Variants in GRIP1 observed in about 807,000 individuals in gnomAD.
GRIP1 encodes glutamate receptor-interacting protein 1.
In GRIP1, 45 loss-of-function variants were observed where a neutral mutation model predicts 129.9. The ratio of observed to expected loss-of-function variants is 0.35; its 90% CI spans 0.27 to 0.44. The LOEUF (loss-of-function observed/expected upper bound fraction) is 0.44, where lower values mean the gene tolerates loss of function less well. Among genes scored for constraint, GRIP1 ranks in the 20% least tolerant of loss-of-function variants. The pLI is 1.00. For synonymous variants in GRIP1, 530 were observed against 520.8 expected, an observed-to-expected ratio of 1.02 and a Z score of -0.24; for missense variants, 1,196 against 1,396.8, an observed-to-expected ratio of 0.86 and a Z score of 2.29.
intron 8 of GRIP1, among the ~76,000 whole-genome samples, chr12:66,463,766 T>C (rs1245714686): frequency 6.6e-6 from 1 of 152,174 alleles, no homozygotes; most frequent in East Asian, 1.9e-4. Context: ...AGCTGCTACA[T>C]CTTGCTGAAC....
chr12:66,550,521 T>C (rs1229708079), intron 2 of GRIP1, among the ~76,000 whole-genome samples: 7 of 152,204 alleles, frequency 4.6e-5, no homozygotes, highest in Admixed American at 4.6e-4. Context: ...ATGAAAGCAG[T>C]GAACGCTTGT....
chr12:66,541,143 T>C (rs2061768677), intron 3 of GRIP1, among the ~76,000 whole-genome samples: 1 of 152,162 alleles, frequency 6.6e-6, no homozygotes, highest in Non-Finnish European at 1.5e-5. Flanking sequence ...CCTGATCTTC[T>C]GTCCCCTTTT....
At chr12:66,751,450 G>T (rs2037124169) in intron 1 of GRIP1, among the ~76,000 whole-genome samples, 1 of 152,118 alleles carries the variant, frequency 6.6e-6, no homozygotes, top group African/African-American at 2.4e-5. Flanking sequence ...ACACACTTCA[G>T]AAATTAAAGG....
intron 1 of GRIP1, among the ~76,000 whole-genome samples, chr12:66,739,305 A>T (rs1486767750): frequency 6.6e-6 from 1 of 152,176 alleles, no homozygotes; most frequent in African/African-American, 2.4e-5. Context: ...GAAAAGACTG[A>T]GGCTTAGAAG....
At chr12:66,982,811 G>C (rs1370329946) in intron 1 of GRIP1, among the ~76,000 whole-genome samples, 1 of 152,118 alleles carries the variant, frequency 6.6e-6, no homozygotes, top group Admixed American at 6.6e-5. Context: ...CTGACCTGCA[G>C]GAACTTTTAA....
intron 1 of GRIP1, among the ~76,000 whole-genome samples, chr12:66,823,040 TA>T (rs2039347742): frequency 6.6e-6 from 1 of 152,134 alleles, no homozygotes. Context: ...AACACAGAAA[TA>T]GGTCTTCAAC....
intron 1 of GRIP1, among the ~76,000 whole-genome samples, chr12:66,713,761 T>C (rs898693962): frequency 2.6e-5 from 4 of 152,088 alleles, no homozygotes; most frequent in Non-Finnish European, 5.9e-5. Context: ...AAACTTATCA[T>C]GTTGTTATAC....
At chr12:66,895,434 A>T (rs1207388539) in intron 1 of GRIP1, among the ~76,000 whole-genome samples, 1 of 152,142 alleles carries the variant, frequency 6.6e-6, no homozygotes, top group Non-Finnish European at 1.5e-5. Flanking sequence ...TGAAACTGTC[A>T]GTCCACTAAA....
chr12:66,863,504 T>A lies in GRIP1; in HGVS notation c.58+205546A>T, dbSNP rs185341628. On this transcript the variant is annotated intron_variant, in intron 1 of 1. Transcript: ENST00000643019. ...TGATAAGATGACATTTGAACAGAGA[T>A]CTGGAGGAAGGGAGGGAGAGAAAGG... Among the ~76,000 whole-genome samples the A allele has an allele frequency of 2.0e-5, 3 of 152,090 alleles. No individual in the cohort carries two copies. In the East Asian group the frequency reaches 5.8e-4, roughly 29 times the overall value.
chr12:66,484,575 A>C (rs1203582867), intron 7 of GRIP1, among the ~76,000 whole-genome samples: 1 of 152,210 alleles, frequency 6.6e-6, no homozygotes, highest in South Asian at 2.1e-4. Context: ...TATGCCACGC[A>C]CAGAAAGACA....
chr12:66,699,088 TCC>T (rs2035262526), intron 1 of GRIP1, among the ~76,000 whole-genome samples: 1 of 152,062 alleles, frequency 6.6e-6, no homozygotes, highest in Non-Finnish European at 1.5e-5. Flanking sequence ...ACCACATGTG[TCC>T]CACAAGCAGA....
intron 1 of GRIP1, among the ~76,000 whole-genome samples, chr12:66,600,285 G>A (rs2064222526): frequency 6.6e-6 from 1 of 152,150 alleles, no homozygotes; most frequent in South Asian, 2.1e-4. Context: ...TAAGATCTAT[G>A]TTAATAATTT....
intron 1 of GRIP1, among the ~76,000 whole-genome samples, chr12:66,616,785 G>A (rs2065055225): frequency 6.6e-6 from 1 of 152,082 alleles, no homozygotes; most frequent in Admixed American, 6.6e-5. Flanking sequence ...TCTTCTCTGA[G>A]CACTGCCTCT....
chr12:67,011,166 C>G (rs2135715051), intron 1 of GRIP1, among the ~76,000 whole-genome samples: 1 of 152,254 alleles, frequency 6.6e-6, no homozygotes, highest in East Asian at 1.9e-4. Flanking sequence ...AAATCATCAT[C>G]ATCACCTATG....
chr12:66,838,050 G>A (rs1320633475), intron 1 of GRIP1, among the ~76,000 whole-genome samples: 1 of 152,100 alleles, frequency 6.6e-6, no homozygotes, highest in Non-Finnish European at 1.5e-5. Flanking sequence ...GCTGGGTGTG[G>A]TGGTGCATGC....
intron 2 of GRIP1, among the ~76,000 whole-genome samples, chr12:66,566,070 G>A (rs1164326279): frequency 1.3e-5 from 2 of 152,176 alleles, no homozygotes; most frequent in Non-Finnish European, 2.9e-5. Flanking sequence ...TCTGCAAACA[G>A]AGACAATTTG....
At chr12:66,842,088 T>C (rs1415623440) in intron 1 of GRIP1, among the ~76,000 whole-genome samples, 2 of 152,036 alleles carry the variant, frequency 1.3e-5, no homozygotes, top group Non-Finnish European at 2.9e-5. Flanking sequence ...AGGACATATA[T>C]ATTGTATAAA....
chr12:66,809,297 G>T (rs2039057654), intron 1 of GRIP1, among the ~76,000 whole-genome samples: 1 of 152,160 alleles, frequency 6.6e-6, no homozygotes, highest in South Asian at 2.1e-4. Context: ...GCGATTAGGG[G>T]GTTCCCTTCA....
intron 7 of GRIP1, among the ~76,000 whole-genome samples, chr12:66,488,108 T>A (rs1217726012): frequency 6.6e-6 from 1 of 152,178 alleles, no homozygotes. Flanking sequence ...GGACTTGAAC[T>A]CAGCTCTGGA....
Sources: gnomAD v4.1 joint callset for allele counts (sites outside exome capture counted in the v4.1 genomes callset) on GRCh38, gnomAD v4.1.1 for gene constraint, MANE v1.5 for transcripts, NCBI Gene and HGNC (gene_info 2026-07-23, HGNC 2026-07-21) for gene names.